Variants in MYO19 observed in about 807,000 individuals in gnomAD.
The protein encoded by MYO19 is unconventional myosin-XIX.
In MYO19, 132 loss-of-function variants were observed where a neutral mutation model predicts 129.2. The observed-to-expected ratio is 1.02, with a 90% CI of 0.89 to 1.18. MYO19 has a LOEUF of 1.18. Ranked by LOEUF, MYO19 falls within the 50% of genes most tolerant of loss-of-function variation. MYO19 has a pLI of 0.00. For synonymous variants in MYO19, 531 were observed against 477.2 expected (o/e 1.11, Z -1.47); for missense variants, 1,210 against 1,216.7 (o/e 0.99, Z 0.08).
At chr17:36,536,513 T>G (rs535045049), upstream of MYO19, among the ~76,000 whole-genome samples, 1 of 150,860 alleles carries the variant, frequency 6.6e-6, no homozygotes, top group South Asian at 2.1e-4. Flanking sequence ...TTTCCTTTGC[T>G]TTTTCTTTTC....
chr17:36,538,480 G>A, upstream of MYO19: 1 of 1,614,060 alleles, frequency 6.2e-7, no homozygotes, highest in Non-Finnish European at 8.5e-7. Flanking sequence ...ATAACAACTG[G>A]CCTGATCAAC....
chr17:36,526,778 T>G (rs1213479091), intron 5 of MYO19, among the ~76,000 whole-genome samples: 1 of 152,074 alleles, frequency 6.6e-6, no homozygotes, highest in Non-Finnish European at 1.5e-5. Context: ...TCCCAGCTAC[T>G]CGGGAGGCTG....
Position 36,505,424 on chromosome 17 carries a change from G to C in MYO19, c.1798-20C>G. The C allele has an allele frequency of 1.9e-6, 3 of 1,601,750 alleles. No individual in the cohort carries two copies. Among genetic ancestry groups the C allele is most frequent in the Non-Finnish European group, 2.6e-6 (3 of 1,169,662 alleles). ...TGAGGCCTGCAGATGAGAGACCATG[G>C]GGTTAGGCAGGGAGAGGGGCTGCCC... On this transcript the variant is annotated intron_variant, in intron 18 of 25. Transcript: ENST00000614623.
chr17:36,513,567 T>C (rs1046935548), intron 10 of MYO19, 62 bp from the exon 11 acceptor site: 136 of 1,613,488 alleles, frequency 8.4e-5, no homozygotes, highest in Non-Finnish European at 1.1e-4. Context: ...GGAGGCAGGC[T>C]CTGTACAGAG....
rs201822341 is a variant in MYO19 at position 36,515,996 on chromosome 17, G to A, written c.415-6C>T. The A allele has an allele frequency of 6.8e-6, 11 of 1,606,688 alleles. No individual in the cohort carries two copies. The Admixed American group carries it at 8.4e-5, about 12-fold the overall frequency. On this transcript the variant is annotated splice_region_variant and splice_polypyrimidine_tract_variant and intron_variant, in intron 6 of 25. Transcript: ENST00000614623. ...AGGCAGCGAGACGTCCATGTCTGTG[G>A]CAGAAACAGCCCTGTGGGAGCTGTA... is the stretch of plus-strand genomic sequence containing the variant.
chr17:36,528,464 T>C (rs899990416), intron 3 of MYO19, among the ~76,000 whole-genome samples: 3 of 151,876 alleles, frequency 2.0e-5, no homozygotes, highest in Non-Finnish European at 2.9e-5. Context: ...TGAGCCAACA[T>C]TGTGCTACTG....
At chr17:36,511,036 T>A in intron 12 of MYO19, 119 bp from the exon 13 acceptor site, 2 of 1,219,918 alleles carry the variant, frequency 1.6e-6, no homozygotes. Flanking sequence ...AAACCTAAGT[T>A]CTGATCAGTG....
intron 5 of MYO19, 125 bp from the exon 6 acceptor site, chr17:36,525,466 T>G (rs2073407235): frequency 2.9e-6 from 2 of 698,432 alleles, no homozygotes. Flanking sequence ...CCAGAAAAAT[T>G]TTCTGGATGT....
intron 3 of MYO19, among the ~76,000 whole-genome samples, chr17:36,528,683 C>T (rs1470686097): frequency 6.6e-6 from 1 of 152,096 alleles, no homozygotes; most frequent in Admixed American, 6.6e-5. Context: ...GGGTAAGTTA[C>T]CCTCTTTGAG....
chr17:36,504,790 G>C, intron 19 of MYO19: 1 of 208,392 alleles, frequency 4.8e-6, no homozygotes, highest in South Asian at 7.0e-5. Context: ...GTGCATACCT[G>C]TAATTCCAGC....
At chr17:36,541,429 C>T (rs2074197406) in intron 2 of MYO19, among the ~76,000 whole-genome samples, 1 of 152,154 alleles carries the variant, frequency 6.6e-6, no homozygotes, top group South Asian at 2.1e-4. Context: ...GAAGCTAAGA[C>T]ATAATAAGGA....
intron 25 of MYO19, chr17:36,497,603 T>A (rs905815335): frequency 4.6e-6 from 4 of 864,404 alleles, no homozygotes; most frequent in African/African-American, 3.6e-5. Context: ...TTTTTTTTTT[T>A]AGATGGACTC....
chr17:36,510,984 A>G, intron 12 of MYO19, 67 bp from the exon 13 acceptor site: 1 of 1,490,110 alleles, frequency 6.7e-7, no homozygotes. Context: ...GGCACTGTGA[A>G]GTCATCACAG....
Position 36,505,346 on chromosome 17 carries a change from C to A in MYO19, c.1856G>T (p.Cys619Phe). 1.9e-6 allele frequency: 3 copies of A among 1,614,226 alleles called. No individual in the cohort carries two copies. The highest frequency in any genetic ancestry group is 1.3e-5 in the African/African-American group (1 of 75,066). Residue 619 changes from cysteine (C) to phenylalanine (F), a missense_variant, in exon 19 of 26, where the codon TGC (cysteine) becomes TTC (phenylalanine). Cys to Phe is a radical substitution (Grantham distance 205). Coordinates refer to ENST00000614623, the MANE Select transcript of MYO19 (RefSeq NM_001163735.2). ...CTGGCCCTGGCTGTTGGGCTTGATGCAGCGAATGTAGTGGGGCGTGGTGCT... is the reference window on the plus strand; with the variant it reads ...CTGGCCCTGGCTGTTGGGCTTGATGAAGCGAATGTAGTGGGGCGTGGTGCT... ...LHSTTPHYIR[C>F]IKPNSQGQAQ...
intron 9 of MYO19, 144 bp from the exon 10 acceptor site, chr17:36,513,869 T>A (rs886728590): frequency 1.5e-6 from 1 of 682,302 alleles, no homozygotes; most frequent in Non-Finnish European, 2.5e-6. Flanking sequence ...CCACGGCAGG[T>A]ATGGGGGCAA....
At chr17:36,530,345 T>C (rs1360410197) in intron 3 of MYO19, among the ~76,000 whole-genome samples, 2 of 151,960 alleles carry the variant, frequency 1.3e-5, no homozygotes, top group African/African-American at 4.8e-5. Context: ...AATGGGATAA[T>C]GGTACCTACC....
rs368506948 is a variant in MYO19, at chr17:36,496,247, A to G, written c.*4T>C. The G allele has an allele frequency of 1.4e-5, 23 of 1,613,602 alleles. No homozygotes were observed. Among genetic ancestry groups the G allele is most frequent in the Admixed American group, 1.3e-4 (8 of 59,984 alleles). On this transcript the variant is annotated 3_prime_UTR_variant, in exon 26 of 26. Coordinates refer to ENST00000614623, the MANE Select transcript of MYO19 (RefSeq NM_001163735.2). ...AGGCCTTGTGGAAACAAAGGCACCA[A>G]GGATCACCCCAGCCCAGTGAAGGCA...
intron 5 of MYO19, among the ~76,000 whole-genome samples, chr17:36,525,859 C>T (rs1301994466): frequency 6.6e-6 from 1 of 152,210 alleles, no homozygotes; most frequent in South Asian, 2.1e-4. Flanking sequence ...ATGTACTAGG[C>T]ATCAATCAAG....
chr17:36,521,993 T>G (rs1373251685), intron 6 of MYO19, among the ~76,000 whole-genome samples: 1 of 125,750 alleles, frequency 8.0e-6, no homozygotes, highest in African/African-American at 3.1e-5. Context: ...ATTGTGCCAC[T>G]GCACTCCAGC....
Sources: allele counts gnomAD v4.1 joint callset (sites outside exome capture counted in the v4.1 genomes callset), GRCh38; gene constraint gnomAD v4.1.1; transcripts MANE v1.5; gene names NCBI Gene and HGNC (gene_info 2026-07-23, HGNC 2026-07-21).